KCNJ3: variants seen among roughly 807,000 people sequenced by gnomAD.
KCNJ3 encodes potassium inwardly rectifying channel subfamily J member 3.
Under a neutral mutation model 39.2 loss-of-function variants are expected in KCNJ3, and 4 were observed. The ratio of observed to expected loss-of-function variants is 0.10; its 90% CI spans 0.05 to 0.23. KCNJ3 has a LOEUF of 0.23. Ranked by LOEUF, KCNJ3 falls within the 10% of genes least tolerant of loss-of-function variation. The pLI is 1.00. For missense variants in KCNJ3, 276 were observed against 634.9 expected, an observed-to-expected ratio of 0.43 and a Z score of 6.08; for synonymous variants, 230 against 237.4, an observed-to-expected ratio of 0.97 and a Z score of 0.29.
At position 154,840,700 on chromosome 2, in the gene KCNJ3, T is replaced by C. The variant is rs900605697; in HGVS notation, c.920-14027T>C. The stretch of plus-strand genomic sequence containing the variant: ...GGTATTTTATTCTTTGTAGCAATTG[T>C]GAATGGGAGTTCACTCATGATTTGG... On this transcript the variant is annotated intron_variant, in intron 2 of 2. Transcript: ENST00000295101. Among the ~76,000 whole-genome samples, 3 of 151,388 alleles carry C rather than the reference T, an allele frequency of 2.0e-5. No homozygotes were observed. The South Asian group carries it at 6.3e-4, about 32-fold the overall frequency.
chr2:154,779,706 G>A (rs1329890576), intron 2 of KCNJ3, among the ~76,000 whole-genome samples: 4 of 151,276 alleles, frequency 2.6e-5, no homozygotes, highest in Admixed American at 1.3e-4. Flanking sequence ...ACCACGCCTG[G>A]CTAATTTTTG....
intron 2 of KCNJ3, among the ~76,000 whole-genome samples, chr2:154,751,723 T>C (rs1450905356): frequency 6.6e-6 from 1 of 152,080 alleles, no homozygotes; most frequent in Admixed American, 6.6e-5. Flanking sequence ...TAGAAATTTG[T>C]TTTTTGACAC....
chr2:154,825,700 C>G lies in KCNJ3; in HGVS notation c.920-29027C>G, dbSNP rs1574476419. ...AAAGTGATCTTCCCACCTCAGCATC[C>G]CAAATACCGGGGACCACAGGCATGC... On this transcript the variant is annotated intron_variant, in intron 2 of 2. Coordinates refer to ENST00000295101, the MANE Select transcript of KCNJ3 (RefSeq NM_002239.4). Among the ~76,000 whole-genome samples the G allele has an allele frequency of 2.0e-5, 3 of 151,916 alleles. No homozygotes were observed. The East Asian group carries it at 5.8e-4, about 30-fold the overall frequency.
At chr2:154,754,073 G>A (rs993041370) in intron 2 of KCNJ3, among the ~76,000 whole-genome samples, 6 of 151,950 alleles carry the variant, frequency 3.9e-5, no homozygotes, top group African/African-American at 1.5e-4. Context: ...AATAGTTTTG[G>A]ATTTACAGGA....
At chr2:154,836,093 C>G (rs1687455185) in intron 2 of KCNJ3, among the ~76,000 whole-genome samples, 1 of 151,744 alleles carries the variant, frequency 6.6e-6, no homozygotes. Context: ...GCCTGTAGTC[C>G]CAGCTACTCG....
chr2:154,784,857 A>G (rs957835436), intron 2 of KCNJ3, among the ~76,000 whole-genome samples: 4 of 152,176 alleles, frequency 2.6e-5, no homozygotes, highest in African/African-American at 9.7e-5. Context: ...TCTGTTTTCA[A>G]CTTGTTAAAG....
intron 2 of KCNJ3, among the ~76,000 whole-genome samples, chr2:154,765,026 C>T (rs921118523): frequency 1.3e-5 from 2 of 152,076 alleles, no homozygotes; most frequent in East Asian, 1.9e-4. Context: ...AAGGTGGGCA[C>T]GATTGACATT....
rs1458318451 is a variant in KCNJ3, at chr2:154,854,692, G to A, written c.920-35G>A. The A allele has an allele frequency of 4.0e-6, 6 of 1,508,326 alleles. No homozygotes were observed. In the African/African-American group the frequency reaches 6.9e-5, roughly 17 times the overall value. The allele number at this position is 1,508,326 out of a possible 1,614,324, so 93.4% of individuals were successfully genotyped here. On this transcript the variant is annotated intron_variant, in intron 2 of 2. Transcript: ENST00000295101. ...CCGGCTTTACATGTGCTTCCACTAT[G>A]CATAATTTATCAAGAATTTTCTCTT...
chr2:154,708,366 A>C (rs1431660364), intron 1 of KCNJ3, among the ~76,000 whole-genome samples: 1 of 152,152 alleles, frequency 6.6e-6, no homozygotes, highest in African/African-American at 2.4e-5. Context: ...TTTCAGACTC[A>C]CTTACTCCAC....
In KCNJ3 at chr2:154,855,295, C is replaced by T. The variant is rs1687817654; in HGVS notation, c.1488C>T (p.Asn496=). 2 of 1,603,716 alleles carry T rather than the reference C, an allele frequency of 1.2e-6. No individual in the cohort carries two copies. Among genetic ancestry groups the T allele is most frequent in the South Asian group, 1.1e-5 (1 of 90,386 alleles). The change falls in exon 3 of 3, where the codon AAC becomes AAT. Residue 496 remains asparagine (N), a synonymous_variant. Transcript: ENST00000295101. Reference sequence around the variant, plus strand: ...TTCCAGCCAAATTAAGAAAAATGAACTCTGATCGCTTCACATAACAAAGCA... The same window carrying T: ...TTCCAGCCAAATTAAGAAAAATGAATTCTGATCGCTTCACATAACAAAGCA... The part of the protein sequence containing the change: ...GNLPAKLRKM[N]SDRFT
intron 2 of KCNJ3, among the ~76,000 whole-genome samples, chr2:154,716,603 G>A (rs1685186074): frequency 6.6e-6 from 1 of 152,048 alleles, no homozygotes; most frequent in Non-Finnish European, 1.5e-5. Flanking sequence ...CTAGCAGTCT[G>A]AATACTTTTA....
chr2:154,789,431 C>T (rs1295798921), intron 2 of KCNJ3, among the ~76,000 whole-genome samples: 2 of 151,964 alleles, frequency 1.3e-5, no homozygotes, highest in African/African-American at 4.8e-5. Context: ...AGCTAGGGAC[C>T]TACAGTTACC....
chr2:154,855,362 A>G lies in KCNJ3; in HGVS notation c.*49A>G, dbSNP rs1319516970. 4 of 1,261,270 alleles carry G rather than the reference A, an allele frequency of 3.2e-6. No homozygotes were observed. The African/African-American group carries it at 6.1e-5, about 19-fold the overall frequency. 78.1% of individuals were successfully genotyped at this position (1,261,270 alleles called of 1,614,324 possible). On this transcript the variant is annotated 3_prime_UTR_variant, in exon 3 of 3. Coordinates refer to ENST00000295101, the MANE Select transcript of KCNJ3 (RefSeq NM_002239.4). ...TTAATGTTTGATTTAGTAATAGTCC[A>G]ATATTTGGCGATGAGGTAATTCTCC...
intron 2 of KCNJ3, among the ~76,000 whole-genome samples, chr2:154,835,772 T>C (rs1338918408): frequency 3.9e-5 from 6 of 152,130 alleles, no homozygotes; most frequent in Non-Finnish European, 8.8e-5. Flanking sequence ...GGCAGTTTCA[T>C]ATATTTTATA....
intron 2 of KCNJ3, among the ~76,000 whole-genome samples, chr2:154,827,055 C>T (rs1373496880): frequency 6.6e-6 from 1 of 152,034 alleles, no homozygotes; most frequent in African/African-American, 2.4e-5. Flanking sequence ...ATCCTTGTTT[C>T]GTTTTCTGAT....
At chr2:154,817,540 T>A (rs1687104303) in intron 2 of KCNJ3, among the ~76,000 whole-genome samples, 1 of 152,178 alleles carries the variant, frequency 6.6e-6, no homozygotes, top group African/African-American at 2.4e-5. Flanking sequence ...TTTAAAAACC[T>A]CATAGAATTT....
At chr2:154,837,799 C>G (rs1337507007) in intron 2 of KCNJ3, among the ~76,000 whole-genome samples, 1 of 152,174 alleles carries the variant, frequency 6.6e-6, no homozygotes, top group Admixed American at 6.5e-5. Flanking sequence ...TTTGCATGTG[C>G]TCTTTTTCCA....
chr2:154,853,069 T>C (rs1687782693), intron 2 of KCNJ3, among the ~76,000 whole-genome samples: 1 of 151,896 alleles, frequency 6.6e-6, no homozygotes, highest in Non-Finnish European at 1.5e-5. Context: ...TTAACCTCTC[T>C]GAGCACTAAA....
At chr2:154,812,287 G>A (rs907669755) in intron 2 of KCNJ3, among the ~76,000 whole-genome samples, 1 of 152,004 alleles carries the variant, frequency 6.6e-6, no homozygotes, top group Admixed American at 6.6e-5. Flanking sequence ...TTAATCCAAA[G>A]CCCAGTAGAA....
Sources: gnomAD v4.1 joint callset for allele counts (sites outside exome capture counted in the v4.1 genomes callset) on GRCh38, gnomAD v4.1.1 for gene constraint, MANE v1.5 for transcripts, NCBI Gene and HGNC (gene_info 2026-07-23, HGNC 2026-07-21) for gene names.